FAM20A: variants seen among roughly 807,000 people sequenced by gnomAD.
The protein encoded by FAM20A is pseudokinase FAM20A.
In FAM20A, 42 loss-of-function variants were observed where a neutral mutation model predicts 52.0. The ratio of observed to expected loss-of-function variants is 0.81; its 90% CI spans 0.63 to 1.04. FAM20A has a LOEUF of 1.04. FAM20A is among the 50% of genes least tolerant of loss of function. The pLI is 0.00. For missense variants in FAM20A, 742 were observed against 712.7 expected, an observed-to-expected ratio of 1.04 and a Z score of -0.47; for synonymous variants, 304 against 298.9, an observed-to-expected ratio of 1.02 and a Z score of -0.18.
At chr17:68,592,020 A>G (rs1458936826) in intron 1 of FAM20A, 1 of 152,248 alleles carries the variant, frequency 6.6e-6, no homozygotes, top group African/African-American at 2.4e-5. Flanking sequence ...CAGTAAGAAA[A>G]TGAACATATG....
chr17:68,581,486 CTT>C (rs2087993896), intron 1 of FAM20A, among the ~76,000 whole-genome samples: 1 of 45,690 alleles, frequency 2.2e-5, no homozygotes, highest in Admixed American at 2.6e-4. Flanking sequence ...TTCTTTCTTT[CTT>C]TTTCTTTCTT....
At chr17:68,541,925 T>TG in intron 7 of FAM20A, 60 bp downstream of exon 7, 1 of 1,547,776 alleles carries the variant, frequency 6.5e-7, no homozygotes, top group African/African-American at 1.4e-5. Context: ...AACAAGTCCC[T>TG]GGTACAGGGT....
At chr17:68,539,460 C>T in intron 9 of FAM20A, 64 bp from the exon 10 acceptor site, 2 of 1,410,588 alleles carry the variant, frequency 1.4e-6, no homozygotes, top group South Asian at 1.2e-5. Flanking sequence ...CTGAGGCTTC[C>T]TCTCTCCTCT....
chr17:68,541,106 G>C, intron 7 of FAM20A, 148 bp from the exon 8 acceptor site: 1 of 1,204,614 alleles, frequency 8.3e-7, no homozygotes, highest in Non-Finnish European at 1.2e-6. Flanking sequence ...AAAGGCCCTG[G>C]GCAAGGACGC....
At chr17:68,551,490 T>G (rs2086831888) in intron 4 of FAM20A, among the ~76,000 whole-genome samples, 2 of 152,058 alleles carry the variant, frequency 1.3e-5, no homozygotes, top group Non-Finnish European at 2.9e-5. Context: ...TGCCTGGGTT[T>G]GAATCCTGGG....
intron 1 of FAM20A, among the ~76,000 whole-genome samples, chr17:68,572,001 TATATATATA>T (rs772988763): frequency 0.24 from 20,908 of 88,550 alleles, 2,786 homozygotes; most frequent in Non-Finnish European, 0.27. Context: ...TATATATATA[TATATATATA>T]TATATATATA....
intron 4 of FAM20A, among the ~76,000 whole-genome samples, chr17:68,546,221 G>T: frequency 6.9e-6 from 1 of 145,366 alleles, no homozygotes. Context: ...GTTCAAGTTT[G>T]ATCATGCAGT....
rs771216880 is a variant in FAM20A at position 68,539,896 on chromosome 17, G to T, written c.1290C>A (p.Asp430Glu). ...FGDDGFLIHLDNARGFGRHSH... is the reference protein window; with the variant it reads ...FGDDGFLIHLENARGFGRHSH... ...GTGGGGAAGCTCACCCTCTGGCGTT[G>T]TCAAGGTGAATAAGGAACCCATCAT... is the stretch of plus-strand genomic sequence containing the variant. Residue 430 changes from aspartate to glutamate, a missense_variant, in exon 9 of 11, where the codon GAC becomes GAA. Physicochemically the swap from Asp to Glu is conservative, Grantham distance 45 (BLOSUM62 2). Transcript: ENST00000592554. 6.2e-7 allele frequency: 1 copy of T among 1,614,140 alleles called. No individual in the cohort carries two copies. The highest frequency in any genetic ancestry group is 8.5e-7 in the Non-Finnish European group (1 of 1,179,992).
intron 8 of FAM20A, 22 bp from the exon 9 acceptor site, chr17:68,539,988 A>G: frequency 1.2e-6 from 2 of 1,609,680 alleles, no homozygotes; most frequent in Non-Finnish European, 1.7e-6. Flanking sequence ...GGGAGGACTT[A>G]GCTGGAACCA....
chr17:68,587,392 A>G (rs531991588), intron 1 of FAM20A, among the ~76,000 whole-genome samples: 1 of 152,352 alleles, frequency 6.6e-6, no homozygotes, highest in East Asian at 1.9e-4. Context: ...CCATTACATT[A>G]AAGTAACATA....
At chr17:68,576,617 C>T (rs75581257) in intron 1 of FAM20A, among the ~76,000 whole-genome samples, 2 of 152,230 alleles carry the variant, frequency 1.3e-5, no homozygotes, top group South Asian at 4.1e-4. Flanking sequence ...GGGAGATCCT[C>T]GCTGTAGACA....
intron 1 of FAM20A, among the ~76,000 whole-genome samples, chr17:68,583,301 C>G (rs1568777008): frequency 1.3e-5 from 2 of 152,166 alleles, no homozygotes; most frequent in African/African-American, 4.8e-5. Flanking sequence ...AATTCCTTCT[C>G]TCAGTTCTGG....
chr17:68,591,170 G>A lies in FAM20A; in HGVS notation c.404+9093C>T, dbSNP rs531028146. ...GGCCCAGGCTGGAGTGCAGTGGCGC[G>A]ATCTCGGCTAACTGCAAGCTCCACC... On this transcript the variant is annotated intron_variant, in intron 1 of 10. Transcript: ENST00000592554. Among the ~76,000 whole-genome samples, 6 of 152,196 alleles carry A rather than the reference G, an allele frequency of 3.9e-5. No homozygotes were observed. The South Asian group carries it at 1.2e-3, about 32-fold the overall frequency.
At chr17:68,580,656 C>G (rs2087918275) in intron 1 of FAM20A, among the ~76,000 whole-genome samples, 1 of 152,224 alleles carries the variant, frequency 6.6e-6, no homozygotes, top group Admixed American at 6.5e-5. Flanking sequence ...TGGAAACCAC[C>G]TGGACTTCTG....
At chr17:68,571,575 C>T (rs1213658969) in intron 1 of FAM20A, among the ~76,000 whole-genome samples, 1 of 152,202 alleles carries the variant, frequency 6.6e-6, no homozygotes, top group Non-Finnish European at 1.5e-5. Flanking sequence ...ACTTCTATAG[C>T]ACTCGGCTTT....
intron 1 of FAM20A, chr17:68,558,336 A>G (rs1467546533): frequency 2.3e-6 from 1 of 443,518 alleles, no homozygotes; most frequent in Non-Finnish European, 4.5e-6. Context: ...ATACCATCAG[A>G]TATGGTTTGG....
chr17:68,537,467 C>G lies in FAM20A; in HGVS notation c.*10G>C. On this transcript the variant is annotated 3_prime_UTR_variant, in exon 11 of 11. Transcript: ENST00000592554. This position sits in a 1 kb window ranked among gnomAD's most constrained non-coding sequence, Gnocchi z 4.2. ...CAGGCGTATTTTCTGAAACTGGACT[C>G]TGCCAGCCCTTAGCTTGTCAAGTTA... is the stretch of plus-strand genomic sequence containing the variant. 1 of 1,614,096 alleles carries G rather than the reference C, an allele frequency of 6.2e-7. No individual in the cohort carries two copies. The highest frequency in any genetic ancestry group is 8.5e-7 in the Non-Finnish European group (1 of 1,180,020).
intron 1 of FAM20A, among the ~76,000 whole-genome samples, chr17:68,570,525 G>A (rs1004605122): frequency 1.3e-5 from 2 of 152,228 alleles, no homozygotes; most frequent in East Asian, 1.9e-4. Context: ...TATAGGAGAA[G>A]TTGATTTGCA....
intron 1 of FAM20A, among the ~76,000 whole-genome samples, chr17:68,566,918 G>C (rs1321139348): frequency 6.6e-6 from 1 of 152,188 alleles, no homozygotes; most frequent in African/African-American, 2.4e-5. Context: ...ATTTACTTCT[G>C]CATCTTCGGT....
Sources: allele counts gnomAD v4.1 joint callset (sites outside exome capture counted in the v4.1 genomes callset), GRCh38; gene constraint gnomAD v4.1.1; non-coding constraint Gnocchi (gnomAD v3.1); transcripts MANE v1.5; gene names NCBI Gene and HGNC (gene_info 2026-07-23, HGNC 2026-07-21).